The following ALKBH8 variants were observed in gnomAD, a reference collection of about 807,000 sequenced individuals.
ALKBH8 encodes the protein alkB homolog 8, tRNA methyltransferase.
In ALKBH8, 36 loss-of-function variants were observed where a neutral mutation model predicts 59.8. That is an observed-to-expected ratio of 0.60 (90% CI 0.46 to 0.79). ALKBH8 has a LOEUF of 0.79. Ranked by LOEUF, ALKBH8 falls within the 30% of genes least tolerant of loss-of-function variation. ALKBH8 has a pLI of 0.00. For synonymous variants in ALKBH8, 276 were observed against 273.6 expected, an observed-to-expected ratio of 1.01 and a Z score of -0.09; for missense variants, 768 against 801.0, an observed-to-expected ratio of 0.96 and a Z score of 0.50.
chr11:107,556,095 C>T (rs61583659), intron 3 of ALKBH8, among the ~76,000 whole-genome samples: 3,181 of 152,058 alleles, frequency 0.021, 104 homozygotes, highest in African/African-American at 0.073. Context: ...CTGGCCAACA[C>T]GGTGAAACCC....
At chr11:107,531,477 A>G (rs1863590430) in intron 8 of ALKBH8, among the ~76,000 whole-genome samples, 1 of 152,222 alleles carries the variant, frequency 6.6e-6, no homozygotes, top group Non-Finnish European at 1.5e-5. Flanking sequence ...TATTAAGAGC[A>G]AAGGAAAGTT....
intron 10 of ALKBH8, among the ~76,000 whole-genome samples, chr11:107,518,459 C>T (rs1391450591): frequency 6.6e-6 from 1 of 152,222 alleles, no homozygotes; most frequent in Non-Finnish European, 1.5e-5. Flanking sequence ...CAAAACTGGC[C>T]ATAAACAAAA....
chr11:107,551,081 C>G (rs1482553875), intron 6 of ALKBH8, among the ~76,000 whole-genome samples: 1 of 152,180 alleles, frequency 6.6e-6, no homozygotes, highest in Non-Finnish European at 1.5e-5. Flanking sequence ...AGAATGTCAT[C>G]CTGCAATTGT....
In ALKBH8 at chr11:107,525,447, T is replaced by G; in HGVS notation, c.1024A>C (p.Asn342His). 6.5e-7 allele frequency: 1 copy of G among 1,544,980 alleles called. No homozygotes were observed. The highest frequency in any genetic ancestry group is 1.2e-5 in the South Asian group (1 of 83,508). Residue 342 changes from asparagine to histidine, a missense_variant, in exon 9 of 12, where the codon AAC (asparagine) becomes CAC (histidine). Physicochemically the swap from Asn to His is moderately conservative, Grantham distance 68. Coordinates refer to ENST00000428149, the MANE Select transcript of ALKBH8 (RefSeq NM_138775.3). ...TFRKVRQTPC[N>H]CSYPLVCDSQ... ...GATAAGAGTATATACTTACTACAGT[T>G]ACAAGGTGTTTGCCTCACTTTCCTA...
At chr11:107,545,649 T>A (rs1332326540) in intron 7 of ALKBH8, among the ~76,000 whole-genome samples, 1 of 152,194 alleles carries the variant, frequency 6.6e-6, no homozygotes, top group Non-Finnish European at 1.5e-5. Flanking sequence ...CGGACTTCCA[T>A]AAAATTAGTA....
At chr11:107,539,307 C>G (rs959197150) in intron 7 of ALKBH8, among the ~76,000 whole-genome samples, 6 of 152,150 alleles carry the variant, frequency 3.9e-5, no homozygotes, top group African/African-American at 1.4e-4. Flanking sequence ...AGGTTAAAAT[C>G]AAGGCCCACT....
Position 107,510,880 on chromosome 11 carries a change from T to C in ALKBH8, c.1437+7A>G. On this transcript the variant is annotated splice_region_variant and intron_variant, in intron 11 of 11. Transcript: ENST00000428149. ...AAGTTCTTAAGAGAAAGAAAGACCA[T>C]ACTTACTGCTGTTGCAAAATGATGA... is the stretch of plus-strand genomic sequence containing the variant. The C allele has an allele frequency of 6.4e-7, 1 of 1,550,684 alleles. No homozygotes were observed. The highest frequency in any genetic ancestry group is 8.7e-7 in the Non-Finnish European group (1 of 1,146,630).
chr11:107,513,643 G>C (rs12225894), intron 10 of ALKBH8, among the ~76,000 whole-genome samples: 30,714 of 152,080 alleles, frequency 0.2, 3,895 homozygotes, highest in South Asian at 0.38. Context: ...ATCAACCTAG[G>C]TGCCCATCAA....
At chr11:107,545,371 T>C (rs1176569615) in intron 7 of ALKBH8, among the ~76,000 whole-genome samples, 2 of 152,030 alleles carry the variant, frequency 1.3e-5, no homozygotes, top group East Asian at 3.9e-4. Flanking sequence ...CAAAAAACAA[T>C]GACTAAAAAA....
chr11:107,527,946 G>T (rs924719533), intron 8 of ALKBH8, among the ~76,000 whole-genome samples: 1 of 152,056 alleles, frequency 6.6e-6, no homozygotes, highest in Non-Finnish European at 1.5e-5. Context: ...GATGTCAGCT[G>T]TGGGTTTTTC....
At chr11:107,526,236 T>C (rs889661136) in intron 8 of ALKBH8, among the ~76,000 whole-genome samples, 5 of 152,104 alleles carry the variant, frequency 3.3e-5, no homozygotes, top group South Asian at 2.1e-4. Flanking sequence ...ACCGGCAATA[T>C]ATGAGAGAGT....
At chr11:107,555,076 T>G (rs957294596) in intron 3 of ALKBH8, among the ~76,000 whole-genome samples, 1 of 151,838 alleles carries the variant, frequency 6.6e-6, no homozygotes, top group Non-Finnish European at 1.5e-5. Flanking sequence ...TGGCTAACAC[T>G]GTAAAACCCC....
chr11:107,564,145 G>A (rs1181072039), intron 1 of ALKBH8, among the ~76,000 whole-genome samples: 5 of 152,032 alleles, frequency 3.3e-5, no homozygotes, highest in Admixed American at 1.3e-4. Context: ...TGCTGAGTCC[G>A]GTTCAGCCAG....
chr11:107,520,924 T>C (rs1473675653), intron 10 of ALKBH8, among the ~76,000 whole-genome samples: 1 of 152,134 alleles, frequency 6.6e-6, no homozygotes, highest in African/African-American at 2.4e-5. Flanking sequence ...ACTGAATATG[T>C]ATAGACTTTT....
In ALKBH8 at chr11:107,504,586, G is replaced by T. The variant is rs975752188; in HGVS notation, c.*72C>A. The T allele has an allele frequency of 2.4e-5, 36 of 1,491,236 alleles. No individual in the cohort carries two copies. The highest frequency in any genetic ancestry group is 3.1e-5 in the Non-Finnish European group (34 of 1,098,932). The allele number at this position is 1,491,236 out of a possible 1,614,324, so 92.4% of individuals were successfully genotyped here. A position where few individuals can be genotyped will look rare whatever the true frequency, so the allele number is the denominator to read the frequency against. On this transcript the variant is annotated 3_prime_UTR_variant, in exon 12 of 12. Transcript: ENST00000428149. ...ACAAGTTTTCTCTTTAATTAAAAGG[G>T]TAATTAATTTATTCTCTCTTTTTTT...
Position 107,522,473 on chromosome 11 carries a change from C to T in ALKBH8, c.1113G>A (p.Glu371=), listed in dbSNP as rs1259151245. The T allele has an allele frequency of 3.9e-6, 6 of 1,551,622 alleles. No homozygotes were observed. In the South Asian group the frequency reaches 5.9e-5, roughly 15 times the overall value. Residue 371 remains glutamate (E), a synonymous_variant, in exon 10 of 12, where the codon GAG becomes GAA. Transcript: ENST00000428149. ...PESDKEASRL[E]QEYVHQVYEE... is the part of the protein sequence containing the mutation. ...CATAAACCTGATGGACGTACTCTTG[C>T]TCCAGCCGTGAGGCTTCTTTATCAC...
At chr11:107,516,935 G>T (rs1334040890) in intron 10 of ALKBH8, among the ~76,000 whole-genome samples, 1 of 151,938 alleles carries the variant, frequency 6.6e-6, no homozygotes, top group Non-Finnish European at 1.5e-5. Context: ...GAGGTGGGAG[G>T]ATCAATTGAG....
intron 2 of ALKBH8, among the ~76,000 whole-genome samples, chr11:107,559,083 G>A (rs933215108): frequency 2.0e-5 from 3 of 152,160 alleles, no homozygotes; most frequent in Non-Finnish European, 4.4e-5. Flanking sequence ...GAGATCTGAT[G>A]GTTTTATAAG....
At chr11:107,511,728 C>CTTTCTAAAAATTTATCCTAAGAA (rs1862635272) in intron 10 of ALKBH8, among the ~76,000 whole-genome samples, 1 of 152,016 alleles carries the variant, frequency 6.6e-6, no homozygotes, top group Non-Finnish European at 1.5e-5. Flanking sequence ...AGGCATGAGC[C>CTTTCTAAAAATTTATCCTAAGAA]AACACGCCTG....
Sources: allele counts gnomAD v4.1 joint callset (sites outside exome capture counted in the v4.1 genomes callset), GRCh38; gene constraint gnomAD v4.1.1; transcripts MANE v1.5; gene names NCBI Gene and HGNC (gene_info 2026-07-23, HGNC 2026-07-21).